IRX2: variants seen among roughly 807,000 people sequenced by gnomAD.
IRX2 encodes iroquois homeobox 2.
In IRX2, 26 loss-of-function variants were observed where a neutral mutation model predicts 42.9. The ratio of observed to expected loss-of-function variants is 0.61; its 90% CI spans 0.44 to 0.84. The LOEUF (loss-of-function observed/expected upper bound fraction) is 0.84. Ranked by LOEUF, IRX2 falls within the 40% of genes least tolerant of loss-of-function variation. IRX2 has a pLI of 0.00. For missense variants in IRX2, 782 were observed against 713.9 expected, an observed-to-expected ratio of 1.10 and a Z score of -1.09; for synonymous variants, 424 against 353.9, an observed-to-expected ratio of 1.20 and a Z score of -2.22.
intron 1 of IRX2, among the ~76,000 whole-genome samples, chr5:2,750,561 T>C (rs369017448): frequency 2.2e-3 from 329 of 152,304 alleles, no homozygotes; most frequent in African/African-American, 7.4e-3. Flanking sequence ...AGGCGGCCCT[T>C]AGCGGGTCAC....
chr5:2,736,318 C>T, the IRX2 span, among the ~76,000 whole-genome samples: 1 of 152,328 alleles, frequency 6.6e-6, no homozygotes, highest in South Asian at 2.1e-4. Flanking sequence ...CTTCCCACTA[C>T]CCTGGCCCCT....
chr5:2,747,319 A>AT lies in IRX2; in HGVS notation c.*244dup, dbSNP rs34380307. 117 of 296,964 alleles carry AT rather than the reference A, an allele frequency of 3.9e-4. No homozygotes were observed. The highest frequency in any genetic ancestry group is 1.4e-3 in the East Asian group (27 of 18,754). 18.4% of individuals were successfully genotyped at this position (296,964 alleles called of 1,614,324 possible). On this transcript the variant is annotated 3_prime_UTR_variant, in exon 4 of 4. Coordinates refer to ENST00000302057, the MANE Select transcript of IRX2 (RefSeq NM_033267.5). ...CACACACACACACATATATATATAT[A>AT]TTTTTTTTTTCCTTCCCTAGGTAAA...
chr5:2,749,929 G>T, intron 1 of IRX2, 142 bp from the exon 2 acceptor site: 2 of 852,982 alleles, frequency 2.3e-6, no homozygotes, highest in Non-Finnish European at 3.5e-6. Context: ...CCGCAAAAGA[G>T]CAGGAAAAAC....
In IRX2 at chr5:2,749,440, G is replaced by A. The variant is rs1271836415; in HGVS notation, c.597C>T (p.Ser199=). Residue 199 remains serine (S), a synonymous_variant, in exon 2 of 4, where the codon AGC becomes AGT. Coordinates refer to ENST00000302057, the MANE Select transcript of IRX2 (RefSeq NM_033267.5). The part of the protein sequence containing the change: ...EDEDEGDATR[S]KDESPDKAQE... ...GCGCCTTGTCGGGACTCTCGTCCTT[G>A]CTTCTGGTAGCGTCGCCCTCGTCCT... 2.5e-6 allele frequency: 4 copies of A among 1,614,154 alleles called. No homozygotes were observed. Among genetic ancestry groups the A allele is most frequent in the Non-Finnish European group, 3.4e-6 (4 of 1,180,020 alleles).
At position 2,751,121 on chromosome 5, in the gene IRX2, G is replaced by A; in HGVS notation, c.249+44C>T. On this transcript the variant is annotated intron_variant, in intron 1 of 3. Transcript: ENST00000302057. This position sits in a 1 kb window ranked among gnomAD's most constrained non-coding sequence, Gnocchi z 4.0. The stretch of plus-strand genomic sequence containing the variant: ...CCCGCTCCGCCTGAGCCCCGTCTGG[G>A]TCCCGGCGCCCAGGAGTCCCGCGTC... 4 of 1,213,486 alleles carry A rather than the reference G, an allele frequency of 3.3e-6. No individual in the cohort carries two copies. Among genetic ancestry groups the A allele is most frequent in the Non-Finnish European group, 4.1e-6 (4 of 975,616 alleles). 75.2% of individuals were successfully genotyped at this position (1,213,486 alleles called of 1,614,324 possible). A position where few individuals can be genotyped will look rare whatever the true frequency, so the allele number is the denominator to read the frequency against.
At chr5:2,742,122 CATCT>C (rs1296755927), downstream of IRX2, among the ~76,000 whole-genome samples, 7 of 152,178 alleles carry the variant, frequency 4.6e-5, no homozygotes, top group Admixed American at 3.9e-4. Context: ...AGGCCACATC[CATCT>C]GTTTCTAGGG....
chr5:2,738,840 C>A, the IRX2 span, among the ~76,000 whole-genome samples: 1 of 152,198 alleles, frequency 6.6e-6, no homozygotes, highest in East Asian at 1.9e-4. Context: ...CAGTCAGGGC[C>A]GCCAGAGGTC....
rs1176464367 is a variant in IRX2 at position 2,749,609 on chromosome 5, G to A, written c.428C>T (p.Thr143Ile). The A allele has an allele frequency of 6.2e-7, 1 of 1,614,222 alleles. No homozygotes were observed. Among genetic ancestry groups the A allele is most frequent in the East Asian group, 2.2e-5 (1 of 44,882 alleles). ...LNEHRKNPYP[T>I]KGEKIMLAII... The stretch of plus-strand genomic sequence containing the variant: ...GGCTAGCATGATCTTCTCGCCCTTG[G>A]TGGGGTAGGGGTTCTTGCGGTGCTC... Residue 143 changes from threonine to isoleucine, a missense_variant, in exon 2 of 4, where the codon ACC becomes ATC. Thr to Ile is a moderately conservative substitution (Grantham distance 89). This residue lies in a region of IRX2 where 256 missense variants were observed against 250.0 expected (regional missense o/e 1.02). Transcript: ENST00000302057.
At position 2,748,447 on chromosome 5, in the gene IRX2, G is replaced by A. The variant is rs780979117; in HGVS notation, c.1261C>T (p.Leu421=). The A allele has an allele frequency of 1.1e-5, 18 of 1,565,864 alleles. No homozygotes were observed. The highest frequency in any genetic ancestry group is 2.2e-4 in the Middle Eastern group (1 of 4,600). Residue 421 remains leucine (L), a synonymous_variant, in exon 3 of 4, where the codon CTG becomes TTG. Coordinates refer to ENST00000302057, the MANE Select transcript of IRX2 (RefSeq NM_033267.5). Reference sequence around the variant, plus strand: ...CTGGCCGCCTTTGGCGCGGTGTGCAGGGCCTCGCCGGGGGCCGCGGCCGCA... The same window carrying A: ...CTGGCCGCCTTTGGCGCGGTGTGCAAGGCCTCGCCGGGGGCCGCGGCCGCA... The part of the protein sequence containing the change: ...NSAAAAPGEA[L]HTAPKAASDA...
At chr5:2,736,491 G>A in the IRX2 span, among the ~76,000 whole-genome samples, 677 of 152,286 alleles carry the variant, frequency 4.4e-3, 4 homozygotes, top group African/African-American at 0.015. Flanking sequence ...TATGCTAGAA[G>A]AAAAATTTTT....
rs559672495 is a variant in IRX2 at position 2,747,307 on chromosome 5, A to C, written c.*257T>G. On this transcript the variant is annotated 3_prime_UTR_variant, in exon 4 of 4. Transcript: ENST00000302057. Reference sequence around the variant, plus strand: ...ATATATTACACACACACACACACACATATATATATATATTTTTTTTTTCCT... The same window carrying C: ...ATATATTACACACACACACACACACCTATATATATATATTTTTTTTTTCCT... 4.1e-6 allele frequency: 1 copy of C among 245,640 alleles called. No individual in the cohort carries two copies. Among genetic ancestry groups the C allele is most frequent in the African/African-American group, 3.0e-5 (1 of 32,840 alleles). The allele number at this position is 245,640 out of a possible 1,614,324, so 15.2% of individuals were successfully genotyped here. A position where few individuals can be genotyped will look rare whatever the true frequency, so the allele number is the denominator to read the frequency against.
rs1553992929 is a variant in IRX2 at position 2,746,746 on chromosome 5, T to TA, written c.*817_*818insT. The TA allele has an allele frequency of 2.7e-4, 4 of 14,818 alleles. No individual in the cohort carries two copies. Among genetic ancestry groups the TA allele is most frequent in the Non-Finnish European group, 1.7e-3 (4 of 2,322 alleles). The allele number at this position is 14,818 out of a possible 1,614,324, so 0.9% of individuals were successfully genotyped here. A position where few individuals can be genotyped will look rare whatever the true frequency, so the allele number is the denominator to read the frequency against. On this transcript the variant is annotated 3_prime_UTR_variant, in exon 4 of 4. Coordinates refer to ENST00000302057, the MANE Select transcript of IRX2 (RefSeq NM_033267.5). Reference sequence around the variant, plus strand: ...TGGGAAGAGAGAATGGCCTGCTGACTTTTTTTTTTTTTTTTTTTTCAAAGC... The same window carrying TA: ...TGGGAAGAGAGAATGGCCTGCTGACTATTTTTTTTTTTTTTTTTTTCAAAGC...
In IRX2 at chr5:2,748,668, G is replaced by A. The variant is rs1187012323; in HGVS notation, c.1040C>T (p.Pro347Leu). ...GGGCAGCCCCGGTGGCCCGCAGCCC[G>A]GGCCCAGGCTCGGCTGCTTGAGGTC... ...TSDLKQPSLG[P>L]GCGPPGLPAA... is the part of the protein sequence containing the mutation. The change falls in exon 3 of 4, where the codon CCG becomes CTG. Residue 347 changes from proline (P) to leucine (L), a missense_variant. By Grantham distance (98) the Pro-to-Leu change is moderately conservative. Coordinates refer to ENST00000302057, the MANE Select transcript of IRX2 (RefSeq NM_033267.5). The A allele has an allele frequency of 1.4e-6, 2 of 1,384,630 alleles. No individual in the cohort carries two copies. The highest frequency in any genetic ancestry group is 1.5e-5 in the African/African-American group (1 of 65,194). 85.8% of individuals were successfully genotyped at this position (1,384,630 alleles called of 1,614,324 possible). A position where few individuals can be genotyped will look rare whatever the true frequency, so the allele number is the denominator to read the frequency against.
chr5:2,738,434 A>C, the IRX2 span, among the ~76,000 whole-genome samples: 1 of 152,330 alleles, frequency 6.6e-6, no homozygotes, highest in South Asian at 2.1e-4. Context: ...TGGACGGGCC[A>C]TGGCCTCCTA....
downstream of IRX2, among the ~76,000 whole-genome samples, chr5:2,741,169 T>C (rs1236753147): frequency 6.6e-6 from 1 of 152,232 alleles, no homozygotes; most frequent in Admixed American, 6.5e-5. Flanking sequence ...AAGCCCACCT[T>C]TCCCCAGTAA....
At position 2,746,940 on chromosome 5, in the gene IRX2, T is replaced by C. The variant is rs999116698; in HGVS notation, c.*624A>G. ...GACTCGTTGCAAAGCAACATATTTT[T>C]TGAGATACTGTTGTGAGCCCCGGGA... On this transcript the variant is annotated 3_prime_UTR_variant, in exon 4 of 4. Transcript: ENST00000302057. 2 of 152,452 alleles carry C rather than the reference T, an allele frequency of 1.3e-5. No homozygotes were observed. The highest frequency in any genetic ancestry group is 4.8e-5 in the African/African-American group (2 of 41,434). The allele number at this position is 152,452 out of a possible 1,614,324, so 9.4% of individuals were successfully genotyped here. A position where few individuals can be genotyped will look rare whatever the true frequency, so the allele number is the denominator to read the frequency against.
chr5:2,748,537 T>C lies in IRX2; in HGVS notation c.1171A>G (p.Asn391Asp), dbSNP rs1408657636. 3 of 1,578,878 alleles carry C rather than the reference T, an allele frequency of 1.9e-6. No homozygotes were observed. Among genetic ancestry groups the C allele is most frequent in the Non-Finnish European group, 2.6e-6 (3 of 1,163,910 alleles). Residue 391 changes from asparagine to aspartate, a missense_variant, in exon 3 of 4, where the codon AAC becomes GAC. This residue lies in a region of IRX2 where 520 missense variants were observed against 437.8 expected (regional missense o/e 1.19). Transcript: ENST00000302057. ...PLYYTSPFYG[N>D]YTNYGNLNAA... Reference sequence around the variant, plus strand: ...TTCAAGTTCCCGTAGTTTGTGTAGTTGCCGTAGAAGGGCGACGTGTAGTAG... The same window carrying C: ...TTCAAGTTCCCGTAGTTTGTGTAGTCGCCGTAGAAGGGCGACGTGTAGTAG...
chr5:2,749,100 A>C, intron 2 of IRX2, 48 bp from the exon 3 acceptor site: 1 of 1,575,284 alleles, frequency 6.3e-7, no homozygotes, highest in South Asian at 1.1e-5. Flanking sequence ...CAGCGCAGGC[A>C]CCTGGAGCCC....
chr5:2,736,078 C>G, the IRX2 span, among the ~76,000 whole-genome samples: 1 of 152,172 alleles, frequency 6.6e-6, no homozygotes, highest in Non-Finnish European at 1.5e-5. Context: ...CCCTATCAGC[C>G]CACGCCATGG....
Sources: gnomAD v4.1 joint callset for allele counts (sites outside exome capture counted in the v4.1 genomes callset) on GRCh38, gnomAD v4.1.1 for gene constraint, gnomAD v4.1.1 regional missense constraint, Gnocchi (gnomAD v3.1) non-coding constraint, MANE v1.5 for transcripts, NCBI Gene and HGNC (gene_info 2026-07-23, HGNC 2026-07-21) for gene names.